Variants in NCAM2 observed in about 807,000 individuals in gnomAD.
NCAM2 encodes the protein neural cell adhesion molecule 2, also known as N-CAM-2.
A neutral mutation model predicts 98.1 loss-of-function variants in NCAM2; 30 were observed. The observed-to-expected ratio is 0.31, with a 90% confidence interval of 0.23 to 0.41. The LOEUF is 0.41. Among genes scored for constraint, NCAM2 ranks in the 10% least tolerant of loss-of-function variants. NCAM2 has a pLI of 1.00. For missense variants in NCAM2, 867 were observed against 1,005.8 expected, an observed-to-expected ratio of 0.86 and a Z score of 1.87; for synonymous variants, 368 against 342.4, an observed-to-expected ratio of 1.07 and a Z score of -0.83.
In NCAM2 at chr21:21,070,134, C is replaced by T. The variant is rs150406022; in HGVS notation, c.55+71516C>T. On this transcript the variant is annotated intron_variant, in intron 1 of 17. Coordinates refer to ENST00000400546, the MANE Select transcript of NCAM2 (RefSeq NM_004540.5). ...TTTGGTGATAATAGATTTCACAGAA[C>T]CAGGAGAAACTTATAAAGATCAAGC... is the stretch of plus-strand genomic sequence containing the variant. Among the ~76,000 whole-genome samples the T allele has an allele frequency of 1.5e-3, 222 of 151,908 alleles. 1 individual carries two copies. The highest frequency in any genetic ancestry group is 5.3e-3 in the African/African-American group (221 of 41,438).
At chr21:21,080,712 ACT>A (rs1159235682) in intron 1 of NCAM2, among the ~76,000 whole-genome samples, 12 of 148,768 alleles carry the variant, frequency 8.1e-5, no homozygotes, top group African/African-American at 3.0e-4. Flanking sequence ...AACATTTATT[ACT>A]CTCTAAATTA....
chr21:21,516,847 G>A lies in NCAM2; in HGVS notation c.2282+7792G>A, dbSNP rs941929313. On this transcript the variant is annotated intron_variant, in intron 16 of 17. Coordinates refer to ENST00000400546, the MANE Select transcript of NCAM2 (RefSeq NM_004540.5). ...GATATTGTTTACATGTTCCCTCACC[G>A]ACATTCTACCATCCCCTTCCAAGAC... Among the ~76,000 whole-genome samples the A allele has an allele frequency of 6.6e-5, 10 of 152,162 alleles. No individual in the cohort carries two copies. In the East Asian group the frequency reaches 1.3e-3, roughly 21 times the overall value.
intron 6 of NCAM2, among the ~76,000 whole-genome samples, chr21:21,328,215 C>T (rs1048497581): frequency 6.6e-6 from 1 of 152,066 alleles, no homozygotes; most frequent in African/African-American, 2.4e-5. Context: ...ACATATTACT[C>T]ATGAGTTGGT....
chr21:21,036,965 G>T (rs544747763), intron 1 of NCAM2, among the ~76,000 whole-genome samples: 6 of 152,150 alleles, frequency 3.9e-5, no homozygotes, highest in African/African-American at 7.2e-5. Flanking sequence ...ACAAATGGCA[G>T]CTTTTCAGGG....
intron 1 of NCAM2, among the ~76,000 whole-genome samples, chr21:21,094,736 A>G (rs910320401): frequency 5.9e-5 from 9 of 151,734 alleles, no homozygotes; most frequent in African/African-American, 1.9e-4. Flanking sequence ...TTTAGACATG[A>G]CATTATAGGA....
chr21:21,427,588 G>A (rs904689942), intron 11 of NCAM2, among the ~76,000 whole-genome samples: 5 of 152,140 alleles, frequency 3.3e-5, no homozygotes, highest in Non-Finnish European at 7.4e-5. Context: ...GCTGGGGAGT[G>A]GGAGAAATGG....
chr21:21,476,263 T>C (rs145114140), intron 14 of NCAM2, among the ~76,000 whole-genome samples: 68 of 152,220 alleles, frequency 4.5e-4, no homozygotes, highest in African/African-American at 1.6e-3. Context: ...GATTATTAGA[T>C]ACATGATTTC....
chr21:21,166,246 C>T (rs1156293095), intron 1 of NCAM2, among the ~76,000 whole-genome samples: 1 of 152,140 alleles, frequency 6.6e-6, no homozygotes, highest in African/African-American at 2.4e-5. Context: ...CTCGCTCTGT[C>T]GCCCAGGCTG....
intron 1 of NCAM2, among the ~76,000 whole-genome samples, chr21:21,111,661 T>C (rs940906937): frequency 6.6e-6 from 1 of 152,192 alleles, no homozygotes; most frequent in South Asian, 2.1e-4. Context: ...AGAAGCAAGA[T>C]GCTTGGTAGA....
chr21:21,147,166 C>G, intron 1 of NCAM2: 6 of 968,926 alleles, frequency 6.2e-6, no homozygotes, highest in Non-Finnish European at 7.3e-6. Context: ...TGTCCCACAC[C>G]GGAGCTGGTA....
At chr21:21,458,769 T>C (rs1982533270) in intron 12 of NCAM2, among the ~76,000 whole-genome samples, 1 of 152,150 alleles carries the variant, frequency 6.6e-6, no homozygotes, top group Admixed American at 6.5e-5. Flanking sequence ...GGAAAAGGCT[T>C]CTTGGCGTTG....
intron 15 of NCAM2, among the ~76,000 whole-genome samples, chr21:21,491,449 A>T (rs1986837592): frequency 6.6e-6 from 1 of 151,806 alleles, no homozygotes; most frequent in Non-Finnish European, 1.5e-5. Flanking sequence ...AAAGTTGCAG[A>T]AATTGATTAA....
intron 1 of NCAM2, among the ~76,000 whole-genome samples, chr21:21,104,265 C>T (rs779440876): frequency 6.6e-6 from 1 of 152,022 alleles, no homozygotes; most frequent in Non-Finnish European, 1.5e-5. Context: ...AAGTTATAAT[C>T]GGATATTTAC....
intron 15 of NCAM2, among the ~76,000 whole-genome samples, chr21:21,508,383 A>G (rs1205205987): frequency 6.6e-6 from 1 of 152,130 alleles, no homozygotes; most frequent in Non-Finnish European, 1.5e-5. Context: ...TTAAGTTTTA[A>G]AACTAACATA....
chr21:21,214,264 G>A (rs2069773976), intron 1 of NCAM2, among the ~76,000 whole-genome samples: 1 of 152,078 alleles, frequency 6.6e-6, no homozygotes, highest in Non-Finnish European at 1.5e-5. Context: ...GATTGAGATT[G>A]TGGAAATAAG....
At chr21:21,427,250 A>G (rs571165765) in intron 11 of NCAM2, among the ~76,000 whole-genome samples, 37 of 152,228 alleles carry the variant, frequency 2.4e-4, no homozygotes, top group African/African-American at 7.2e-4. Flanking sequence ...TTTATAATTC[A>G]CAGTAATAAG....
At chr21:21,330,035 T>C (rs569141411) in intron 6 of NCAM2, among the ~76,000 whole-genome samples, 5 of 152,160 alleles carry the variant, frequency 3.3e-5, no homozygotes, top group Admixed American at 1.3e-4. Context: ...TTATTTGTTC[T>C]ACTGTCTTTT....
In NCAM2 at chr21:21,312,316, T is replaced by C. The variant is rs377339809; in HGVS notation, c.620-12067T>C. 3.0e-4 allele frequency among the ~76,000 whole-genome samples: 46 copies of C among 151,600 alleles called. 1 individual carries two copies. In the East Asian group the frequency reaches 5.6e-3, roughly 18 times the overall value. ...GATAAATTAATTGAGTATTGATTAA[T>C]ATGCTTAATATAGTTAATATAATTT... is the stretch of plus-strand genomic sequence containing the variant. On this transcript the variant is annotated intron_variant, in intron 5 of 17. Coordinates refer to ENST00000400546, the MANE Select transcript of NCAM2 (RefSeq NM_004540.5).
intron 12 of NCAM2, among the ~76,000 whole-genome samples, chr21:21,443,364 T>G (rs1979604621): frequency 6.6e-6 from 1 of 152,144 alleles, no homozygotes; most frequent in Admixed American, 6.6e-5. Context: ...ACATGGCACA[T>G]GTATACCTAT....
Sources: gnomAD v4.1 joint callset for allele counts (sites outside exome capture counted in the v4.1 genomes callset) on GRCh38, gnomAD v4.1.1 for gene constraint, MANE v1.5 for transcripts, NCBI Gene and HGNC (gene_info 2026-07-23, HGNC 2026-07-21) for gene names.